ATP2C2: variants seen among roughly 807,000 people sequenced by gnomAD.
ATP2C2 encodes the protein ATPase secretory pathway Ca2+ transporting 2, also known as calcium-transporting ATPase type 2C member 2.
ATP2C2 carries 171 observed loss-of-function variants against 110.8 expected under a neutral mutation model. That is an observed-to-expected ratio of 1.54 (90% CI 1.36 to 1.75). The LOEUF is 1.75. Ranked by LOEUF, ATP2C2 falls within the 40% of genes most tolerant of loss-of-function variation. The pLI is 0.00. For synonymous variants in ATP2C2, 804 were observed against 508.4 expected, an observed-to-expected ratio of 1.58 and a Z score of -7.82; for missense variants, 1,963 against 1,235.0, an observed-to-expected ratio of 1.59 and a Z score of -8.84.
At chr16:84,371,533 G>A (rs1013930807) in intron 1 of ATP2C2, among the ~76,000 whole-genome samples, 1 of 152,206 alleles carries the variant, frequency 6.6e-6, no homozygotes. Context: ...AAAGGTCTTT[G>A]AGAGGCCTCC....
intron 11 of ATP2C2, among the ~76,000 whole-genome samples, chr16:84,433,775 A>G (rs1908498056): frequency 6.6e-6 from 1 of 152,148 alleles, no homozygotes; most frequent in South Asian, 2.1e-4. Flanking sequence ...GGCAAGAAAG[A>G]CGATTAAATA....
At chr16:84,409,013 C>G (rs766335827) in intron 4 of ATP2C2, among the ~76,000 whole-genome samples, 13 of 152,178 alleles carry the variant, frequency 8.5e-5, no homozygotes, top group Non-Finnish European at 1.8e-4. Context: ...CCTGTGCTCA[C>G]CAGACAGTCA....
rs1272407314 is a variant in ATP2C2 at position 84,422,412 on chromosome 16, A to C, written c.647A>C (p.Glu216Ala). The C allele has an allele frequency of 1.2e-6, 2 of 1,614,042 alleles. No individual in the cohort carries two copies. The highest frequency in any genetic ancestry group is 1.7e-5 in the Admixed American group (1 of 60,006). The part of the protein sequence containing the change: ...LTEVTDLLVD[E>A]SSFTGEAEPC... The stretch of plus-strand genomic sequence containing the variant: ...TAGGTCACGGACCTCTTGGTGGATG[A>C]ATCCAGTTTCACCGGGGAAGCCGAG... The change falls in exon 8 of 27, where the codon GAA becomes GCA. Residue 216 changes from glutamate to alanine, a missense_variant. Glu to Ala is a moderately radical substitution (Grantham distance 107). Transcript: ENST00000262429.
intron 17 of ATP2C2, among the ~76,000 whole-genome samples, chr16:84,451,346 G>A (rs1016699022): frequency 1.2e-4 from 18 of 152,170 alleles, no homozygotes; most frequent in African/African-American, 4.3e-4. Flanking sequence ...AGATTTGGGT[G>A]GGGACACAGC....
rs369485962 is a variant in ATP2C2 at position 84,436,258 on chromosome 16, A to C, written c.987-2908A>C. 7.4e-4 allele frequency among the ~76,000 whole-genome samples: 113 copies of C among 152,350 alleles called. 1 individual carries two copies. The highest frequency in any genetic ancestry group is 2.3e-3 in the East Asian group (12 of 5,182). ...TGCATGAAAAAGATACTGGATTTCCAGCTTCTCTTGGGAGCATGGGAGGCC... is the reference window on the plus strand; with the variant it reads ...TGCATGAAAAAGATACTGGATTTCCCGCTTCTCTTGGGAGCATGGGAGGCC... On this transcript the variant is annotated intron_variant, in intron 11 of 26. Coordinates refer to ENST00000262429, the MANE Select transcript of ATP2C2 (RefSeq NM_014861.4).
chr16:84,423,394 C>G, intron 10 of ATP2C2, 131 bp downstream of exon 10: 2 of 815,352 alleles, frequency 2.5e-6, no homozygotes, highest in Non-Finnish European at 4.0e-6. Flanking sequence ...GGATCAGAGG[C>G]TCTCCACAAG....
intron 18 of ATP2C2, 143 bp downstream of exon 18, chr16:84,452,234 T>C (rs1910354021): frequency 1.9e-6 from 2 of 1,044,766 alleles, no homozygotes; most frequent in African/African-American, 3.2e-5. Flanking sequence ...ACGCTGAGTA[T>C]TCGTGTGCCA....
At chr16:84,371,418 T>C (rs1457139728) in intron 1 of ATP2C2, among the ~76,000 whole-genome samples, 1 of 152,052 alleles carries the variant, frequency 6.6e-6, no homozygotes, top group Non-Finnish European at 1.5e-5. Flanking sequence ...AGCAGGAGGA[T>C]TGCTTGCACC....
At chr16:84,402,144 A>G (rs968237161) in intron 2 of ATP2C2, among the ~76,000 whole-genome samples, 8 of 152,114 alleles carry the variant, frequency 5.3e-5, no homozygotes, top group Non-Finnish European at 1.0e-4. Context: ...GCATATAGCA[A>G]TGCTACTGAT....
intron 1 of ATP2C2, among the ~76,000 whole-genome samples, chr16:84,395,632 C>T (rs1904925653): frequency 2.0e-5 from 3 of 151,884 alleles, no homozygotes; most frequent in Admixed American, 2.0e-4. Flanking sequence ...GACTCAGCCT[C>T]CAGAGTCGCT....
rs536260982 is a variant in ATP2C2 at position 84,434,109 on chromosome 16, T to G, written c.987-5057T>G. Among the ~76,000 whole-genome samples the G allele has an allele frequency of 2.1e-4, 32 of 152,208 alleles. 1 individual carries two copies. The South Asian group carries it at 6.6e-3, about 32-fold the overall frequency. ...TGAGAGAATCATTTTTTTAAAACTTTAAGAACTTTTTTAAAACGAATTCCT... is the reference window on the plus strand; with the variant it reads ...TGAGAGAATCATTTTTTTAAAACTTGAAGAACTTTTTTAAAACGAATTCCT... On this transcript the variant is annotated intron_variant, in intron 11 of 26. Transcript: ENST00000262429.
chr16:84,448,235 G>C (rs995473298), intron 16 of ATP2C2, among the ~76,000 whole-genome samples: 1 of 151,978 alleles, frequency 6.6e-6, no homozygotes, highest in African/African-American at 2.4e-5. Flanking sequence ...GATACCTCCC[G>C]TGCATGAAAC....
chr16:84,459,059 T>C, intron 21 of ATP2C2, 61 bp from the exon 22 acceptor site: 5 of 1,573,466 alleles, frequency 3.2e-6, no homozygotes, highest in Non-Finnish European at 4.4e-6. Flanking sequence ...CAGCAACCGA[T>C]GCACTGGTCC....
intron 3 of ATP2C2, among the ~76,000 whole-genome samples, chr16:84,405,877 G>T (rs144916192): frequency 7.8e-4 from 119 of 152,312 alleles, no homozygotes; most frequent in African/African-American, 2.8e-3. Flanking sequence ...CTGAGATTGT[G>T]CCACTGTGCT....
At position 84,452,042 on chromosome 16, in the gene ATP2C2, G is replaced by A; in HGVS notation, c.1782G>A (p.Val594=). ...EAVQVLSESG[V]SVKMITGDAL... Reference sequence around the variant, plus strand: ...TCCAGGTTCTCTCCGAGTCTGGTGTGTCTGTGAAGATGATAACGGGGGATG... The same window carrying A: ...TCCAGGTTCTCTCCGAGTCTGGTGTATCTGTGAAGATGATAACGGGGGATG... The change falls in exon 18 of 27, where the codon GTG becomes GTA. Residue 594 remains valine, a synonymous_variant. Coordinates refer to ENST00000262429, the MANE Select transcript of ATP2C2 (RefSeq NM_014861.4). The A allele has an allele frequency of 1.9e-6, 3 of 1,613,922 alleles. No individual in the cohort carries two copies. The highest frequency in any genetic ancestry group is 2.2e-5 in the East Asian group (1 of 44,866).
At position 84,412,392 on chromosome 16, in the gene ATP2C2, CTGTG is replaced by C. The variant is rs1269805976; in HGVS notation, c.515+1633_515+1636del. 3.3e-4 allele frequency among the ~76,000 whole-genome samples: 42 copies of C among 125,714 alleles called. No homozygotes were observed. In the South Asian group the frequency reaches 5.4e-3, roughly 16 times the overall value. 82.5% of individuals were successfully genotyped at this position (125,714 alleles called of 152,430 possible). ...TGTGTGTGCGTGTGTGTATATGTGT[CTGTG>C]TGTGTCTGTGCATGTGTCTGTGTAT... On this transcript the variant is annotated intron_variant, in intron 6 of 26. Transcript: ENST00000262429.
At chr16:84,431,795 C>G (rs577840326) in intron 11 of ATP2C2, among the ~76,000 whole-genome samples, 2 of 152,256 alleles carry the variant, frequency 1.3e-5, no homozygotes, top group East Asian at 1.9e-4. Flanking sequence ...CAGGCTGTCT[C>G]TGTGACACTT....
intron 15 of ATP2C2, among the ~76,000 whole-genome samples, chr16:84,444,757 T>C (rs1420585120): frequency 6.6e-6 from 1 of 152,192 alleles, no homozygotes; most frequent in African/African-American, 2.4e-5. Context: ...TGATGTGTTA[T>C]AATTTTCCTT....
intron 1 of ATP2C2, among the ~76,000 whole-genome samples, chr16:84,374,176 G>T (rs1388807879): frequency 6.6e-6 from 1 of 152,198 alleles, no homozygotes; most frequent in Non-Finnish European, 1.5e-5. Flanking sequence ...ATTCATGTAA[G>T]GCACCTGCTT....
Sources: allele counts gnomAD v4.1 joint callset (sites outside exome capture counted in the v4.1 genomes callset), GRCh38; gene constraint gnomAD v4.1.1; transcripts MANE v1.5; gene names NCBI Gene and HGNC (gene_info 2026-07-23, HGNC 2026-07-21).